Variants in CAMK4 observed in about 807,000 individuals in gnomAD.
The protein encoded by CAMK4 is calcium/calmodulin-dependent protein kinase type IV.
A neutral mutation model predicts 44.9 loss-of-function variants in CAMK4; 22 were observed. The observed-to-expected ratio is 0.49, with a 90% CI of 0.35 to 0.70. The LOEUF (loss-of-function observed/expected upper bound fraction) is 0.70, where lower values mean the gene tolerates loss of function less well. Ranked by LOEUF, CAMK4 falls within the 30% of genes least tolerant of loss-of-function variation. The probability of loss-of-function intolerance (pLI) is 0.01; values close to 1 mark genes in which losing one functional copy is unlikely to be tolerated. For missense variants in CAMK4, 498 were observed against 586.8 expected, an observed-to-expected ratio of 0.85 and a Z score of 1.56; for synonymous variants, 218 against 215.4, an observed-to-expected ratio of 1.01 and a Z score of -0.11.
intron 1 of CAMK4, among the ~76,000 whole-genome samples, chr5:111,265,020 T>G (rs1750174205): frequency 6.6e-6 from 1 of 152,084 alleles, no homozygotes; most frequent in Admixed American, 6.6e-5. Flanking sequence ...CGAGACACCC[T>G]CTATCACCAC....
chr5:111,324,083 A>G (rs371834285), intron 1 of CAMK4, among the ~76,000 whole-genome samples: 1 of 152,032 alleles, frequency 6.6e-6, no homozygotes, highest in African/African-American at 2.4e-5. Context: ...AAATAATAAA[A>G]TATCCCTTAA....
Position 111,421,643 on chromosome 5 carries a change from T to A in CAMK4, c.460-25043T>A, listed in dbSNP as rs74790965. On this transcript the variant is annotated intron_variant, in intron 5 of 10. Transcript: ENST00000282356. Reference sequence around the variant, plus strand: ...GTTATTTCTGTTTTGCTTAGGTTTGTCTTGTTTTTTTGTTTGTTTGTTTGT... The same window carrying A: ...GTTATTTCTGTTTTGCTTAGGTTTGACTTGTTTTTTTGTTTGTTTGTTTGT... 3.8e-3 allele frequency among the ~76,000 whole-genome samples: 574 copies of A among 152,314 alleles called. 5 individuals are homozygous for A. The highest frequency in any genetic ancestry group is 0.013 in the African/African-American group (548 of 41,562).
intron 2 of CAMK4, among the ~76,000 whole-genome samples, chr5:111,350,943 C>A (rs1310175488): frequency 6.6e-6 from 1 of 152,052 alleles, no homozygotes; most frequent in Non-Finnish European, 1.5e-5. Context: ...TTACAGACTA[C>A]ATAGGCTTTG....
intron 5 of CAMK4, among the ~76,000 whole-genome samples, chr5:111,438,216 A>G (rs897636620): frequency 6.6e-6 from 1 of 152,332 alleles, no homozygotes; most frequent in African/African-American, 2.4e-5. Flanking sequence ...ACGTGCCCAC[A>G]AGATATCCAA....
At chr5:111,267,698 C>T (rs1263648823) in intron 1 of CAMK4, among the ~76,000 whole-genome samples, 1 of 114,472 alleles carries the variant, frequency 8.7e-6, no homozygotes, top group East Asian at 2.5e-4. Flanking sequence ...AACGAGACTC[C>T]GTCTCAAAAA....
At chr5:111,226,148 C>G (rs144067163) in intron 1 of CAMK4, among the ~76,000 whole-genome samples, 201 of 152,288 alleles carry the variant, frequency 1.3e-3, no homozygotes, top group African/African-American at 4.7e-3. Flanking sequence ...AGTAGCACAT[C>G]TGTTTTCAGA....
intron 1 of CAMK4, among the ~76,000 whole-genome samples, chr5:111,245,209 T>C (rs1749179955): frequency 6.6e-6 from 1 of 152,222 alleles, no homozygotes; most frequent in Non-Finnish European, 1.5e-5. Context: ...TTATTCTTAA[T>C]TTCAATTAAT....
At chr5:111,389,123 G>T (rs574306493) in intron 4 of CAMK4, among the ~76,000 whole-genome samples, 3 of 152,308 alleles carry the variant, frequency 2.0e-5, no homozygotes, top group East Asian at 3.9e-4. Flanking sequence ...TGTGTCAGCA[G>T]ATTCAATGCC....
intron 7 of CAMK4, among the ~76,000 whole-genome samples, chr5:111,466,727 C>A (rs1754848147): frequency 6.6e-6 from 1 of 152,142 alleles, no homozygotes; most frequent in Non-Finnish European, 1.5e-5. Flanking sequence ...GTCCCATGCT[C>A]ATGGATGAGT....
chr5:111,400,945 G>A (rs1580703434), intron 5 of CAMK4, among the ~76,000 whole-genome samples: 1 of 151,872 alleles, frequency 6.6e-6, no homozygotes, highest in East Asian at 1.9e-4. Context: ...TTCTTTCTTT[G>A]TCACCACTGA....
rs1755686715 is a variant in CAMK4, at chr5:111,487,824, T to C, written c.*3358T>C. On this transcript the variant is annotated 3_prime_UTR_variant, in exon 11 of 11. Coordinates refer to ENST00000282356, the MANE Select transcript of CAMK4 (RefSeq NM_001744.6). ...TATGCTTAGATTTAAGTGGCCTCAG[T>C]TTTCACATTGAGGAGCTGGTGGGAG... The C allele has an allele frequency of 6.6e-6, 1 of 152,136 alleles. No individual in the cohort carries two copies. The highest frequency in any genetic ancestry group is 2.1e-4 in the South Asian group (1 of 4,824). The allele number at this position is 152,136 out of a possible 1,614,324, so 9.4% of individuals were successfully genotyped here.
intron 1 of CAMK4, among the ~76,000 whole-genome samples, chr5:111,229,798 A>ATT (rs1748376423): frequency 6.6e-6 from 1 of 152,124 alleles, no homozygotes; most frequent in African/African-American, 2.4e-5. Flanking sequence ...TGTGCATCTG[A>ATT]TTCTTTTCTC....
At chr5:111,473,773 A>G (rs1755146516) in intron 8 of CAMK4, among the ~76,000 whole-genome samples, 1 of 152,184 alleles carries the variant, frequency 6.6e-6, no homozygotes, top group African/African-American at 2.4e-5. Context: ...GCAAATGACT[A>G]TTTAATTTCT....
rs1751154247 is a variant in CAMK4, at chr5:111,374,867, A to G, written c.258A>G (p.Val86=). ...CCTTTTAGGTGGACAAAAAAATCGT[A>G]AGAACTGAGATAGGAGTTCTTCTTC... is the stretch of plus-strand genomic sequence containing the variant. ...VLKKTVDKKI[V]RTEIGVLLRL... is the part of the protein sequence containing the mutation. Residue 86 remains valine (V), a synonymous_variant, in exon 3 of 11, where the codon GTA becomes GTG. Coordinates refer to ENST00000282356, the MANE Select transcript of CAMK4 (RefSeq NM_001744.6). The G allele has an allele frequency of 2.5e-6, 4 of 1,611,472 alleles. No individual in the cohort carries two copies. The highest frequency in any genetic ancestry group is 1.7e-5 in the Admixed American group (1 of 59,950).
At chr5:111,273,338 T>C (rs984084684) in intron 1 of CAMK4, among the ~76,000 whole-genome samples, 6 of 151,952 alleles carry the variant, frequency 3.9e-5, no homozygotes, top group African/African-American at 1.4e-4. Flanking sequence ...CAAAGACAGA[T>C]ACAGTTGTCT....
intron 4 of CAMK4, among the ~76,000 whole-genome samples, chr5:111,378,610 C>G (rs1383582456): frequency 6.6e-6 from 1 of 152,094 alleles, no homozygotes; most frequent in Non-Finnish European, 1.5e-5. Context: ...GCAGGTTCAA[C>G]ATATTATTAG....
intron 2 of CAMK4, among the ~76,000 whole-genome samples, chr5:111,366,612 G>A (rs1028864748): frequency 2.0e-5 from 3 of 151,872 alleles, no homozygotes; most frequent in African/African-American, 7.3e-5. Flanking sequence ...AACAGTCTTG[G>A]TCCCAGCACA....
chr5:111,483,066 A>G (rs1385266765), intron 10 of CAMK4, 129 bp downstream of exon 10: 1 of 777,570 alleles, frequency 1.3e-6, no homozygotes, highest in Non-Finnish European at 1.8e-6. Context: ...ACCAGGGAAA[A>G]TCCTGCTTTG....
chr5:111,323,222 A>G (rs184995374), intron 1 of CAMK4, among the ~76,000 whole-genome samples: 1 of 152,244 alleles, frequency 6.6e-6, no homozygotes, highest in East Asian at 1.9e-4. Flanking sequence ...AACCAAAGAT[A>G]AAGAGAAAAT....
Sources: allele counts gnomAD v4.1 joint callset (sites outside exome capture counted in the v4.1 genomes callset), GRCh38; gene constraint gnomAD v4.1.1; transcripts MANE v1.5; gene names NCBI Gene and HGNC (gene_info 2026-07-23, HGNC 2026-07-21).